The following SLC11A2 variants were observed in gnomAD, a reference collection of about 807,000 sequenced individuals.
SLC11A2 encodes the protein solute carrier family 11 member 2.
SLC11A2 carries 38 observed loss-of-function variants against 68.0 expected under a neutral mutation model. The ratio of observed to expected loss-of-function variants is 0.56; its 90% CI spans 0.43 to 0.73. The LOEUF is 0.73. Among genes scored for constraint, SLC11A2 ranks in the 30% least tolerant of loss-of-function variants. The pLI is 0.00. For missense variants in SLC11A2, 517 were observed against 690.5 expected (o/e 0.75, Z 2.82); for synonymous variants, 242 against 250.6 (o/e 0.97, Z 0.32).
At chr12:50,982,917 G>C (rs1005540637), downstream of SLC11A2, among the ~76,000 whole-genome samples, 2 of 149,650 alleles carry the variant, frequency 1.3e-5, no homozygotes, top group Non-Finnish European at 1.5e-5. Context: ...CTCCGGCCTG[G>C]GCAACACAGC....
intron 11 of SLC11A2, chr12:50,993,263 A>C (rs983241154): frequency 3.4e-6 from 1 of 290,414 alleles, no homozygotes; most frequent in Non-Finnish European, 6.6e-6. Flanking sequence ...ACTATTCTGG[A>C]AAATGGCAAT....
chr12:50,958,107 T>C, the SLC11A2 span, among the ~76,000 whole-genome samples: 1 of 151,260 alleles, frequency 6.6e-6, no homozygotes, highest in Non-Finnish European at 1.5e-5. Context: ...TGCCTGATCC[T>C]GTGTTCCTGA....
chr12:50,990,558 T>C (rs141839166), intron 15 of SLC11A2: 7 of 495,074 alleles, frequency 1.4e-5, no homozygotes, highest in African/African-American at 1.3e-4. Context: ...GATTGTTATG[T>C]GCTCTTTTGG....
chr12:51,015,093 G>C (rs1464492938), intron 1 of SLC11A2, among the ~76,000 whole-genome samples: 2 of 152,024 alleles, frequency 1.3e-5, no homozygotes, highest in East Asian at 3.9e-4. Flanking sequence ...CCGGGAGGTG[G>C]AGGTTGCGGT....
At chr12:50,969,458 A>G in the SLC11A2 span, among the ~76,000 whole-genome samples, 23,141 of 151,758 alleles carry the variant, frequency 0.15, 1,946 homozygotes, top group South Asian at 0.27. Flanking sequence ...CCAGCACTTT[A>G]GGAGGCCAAG....
intron 4 of SLC11A2, 45 bp downstream of exon 4, chr12:51,005,266 G>A (rs766743108): frequency 1.9e-6 from 3 of 1,603,620 alleles, no homozygotes; most frequent in Non-Finnish European, 2.6e-6. Flanking sequence ...GGATGTGAGA[G>A]TGTATTATGT....
intron 1 of SLC11A2, 104 bp from the exon 2 acceptor site, chr12:51,010,870 A>G: frequency 2.0e-6 from 1 of 508,770 alleles, no homozygotes; most frequent in Non-Finnish European, 3.6e-6. Context: ...CTATGAAAAG[A>G]GTAATTTTTC....
chr12:51,007,630 T>C (rs224592), intron 3 of SLC11A2, among the ~76,000 whole-genome samples: 134,930 of 151,600 alleles, frequency 0.89, 60,644 homozygotes, highest in East Asian at 0.98. Context: ...CCACCGCGCC[T>C]GGCCTGTTTT....
intron 1 of SLC11A2, among the ~76,000 whole-genome samples, chr12:51,014,501 G>C (rs982123973): frequency 2.6e-5 from 4 of 152,192 alleles, no homozygotes; most frequent in African/African-American, 9.7e-5. Context: ...CCAGTCTCCA[G>C]CCTTTTCAAC....
chr12:51,005,919 G>C (rs1473704010), intron 3 of SLC11A2: 1 of 337,488 alleles, frequency 3.0e-6, no homozygotes, highest in African/African-American at 2.2e-5. Context: ...ACTAGTTCAG[G>C]CCATGATGGG....
At chr12:50,999,451 G>T in intron 6 of SLC11A2, 36 bp from the exon 7 acceptor site, 1 of 1,497,480 alleles carries the variant, frequency 6.7e-7, no homozygotes, top group Non-Finnish European at 9.3e-7. Context: ...TCAGAGAGAC[G>T]GAAAGAAAGG....
downstream of SLC11A2, chr12:50,979,923 G>A (rs778952448): frequency 8.8e-6 from 4 of 454,084 alleles, no homozygotes; most frequent in South Asian, 6.2e-5. Flanking sequence ...CACCTTTGGG[G>A]CTAGAAAGAA....
Position 50,986,794 on chromosome 12 carries a change from C to A in SLC11A2, c.*1531G>T. On this transcript the variant is annotated 3_prime_UTR_variant, in exon 16 of 16. Transcript: ENST00000262052. ...AGAAAAATGTATGGTCAGTGAAACA[C>A]AGTAGTGTACCCTTAAATGCCTTAT... 2 of 1,287,128 alleles carry A rather than the reference C, an allele frequency of 1.6e-6. No individual in the cohort carries two copies. The highest frequency in any genetic ancestry group is 2.0e-6 in the Non-Finnish European group (2 of 988,662). 79.7% of individuals were successfully genotyped at this position (1,287,128 alleles called of 1,614,324 possible). A position where few individuals can be genotyped will look rare whatever the true frequency, so the allele number is the denominator to read the frequency against.
chr12:51,008,864 C>G (rs1404225068), intron 2 of SLC11A2, among the ~76,000 whole-genome samples: 1 of 151,904 alleles, frequency 6.6e-6, no homozygotes, highest in Non-Finnish European at 1.5e-5. Flanking sequence ...AGTTATCTCC[C>G]TCCCCCTCCC....
intron 8 of SLC11A2, 33 bp downstream of exon 8, chr12:50,999,141 T>C: frequency 6.5e-7 from 1 of 1,527,362 alleles, no homozygotes; most frequent in Non-Finnish European, 9.0e-7. Context: ...AAAACTTATT[T>C]TAAGAAGCTA....
the SLC11A2 span, among the ~76,000 whole-genome samples, chr12:50,969,710 A>C: frequency 1.2e-4 from 18 of 151,964 alleles, no homozygotes; most frequent in Non-Finnish European, 1.9e-4. Context: ...CTCAAAAAAA[A>C]AAAAACAAAA....
the SLC11A2 span, among the ~76,000 whole-genome samples, chr12:50,959,791 G>T: frequency 1.3e-5 from 2 of 152,054 alleles, no homozygotes; most frequent in Admixed American, 1.3e-4. Flanking sequence ...GGGATTACAG[G>T]CATGTACCAC....
the SLC11A2 span, among the ~76,000 whole-genome samples, chr12:50,974,083 G>C: frequency 6.6e-6 from 1 of 152,152 alleles, no homozygotes; most frequent in Non-Finnish European, 1.5e-5. Context: ...TTATCCAGGA[G>C]AACTTCCCCA....
In SLC11A2 at chr12:51,015,217, T is replaced by C. The variant is rs565323836; in HGVS notation, c.-38-4451A>G. On this transcript the variant is annotated intron_variant, in intron 1 of 15. Transcript: ENST00000262052. ...GGGGCCGGGCGCAGTGGCTCACACC[T>C]GTAATCCCAGCACTTTGGGAGGCTG... is the stretch of plus-strand genomic sequence containing the variant. Among the ~76,000 whole-genome samples the C allele has an allele frequency of 3.4e-5, 5 of 145,796 alleles. No homozygotes were observed. The South Asian group carries it at 1.1e-3, about 32-fold the overall frequency.
Sources: gnomAD v4.1 joint callset for allele counts (sites outside exome capture counted in the v4.1 genomes callset) on GRCh38, gnomAD v4.1.1 for gene constraint, MANE v1.5 for transcripts, NCBI Gene and HGNC (gene_info 2026-07-23, HGNC 2026-07-21) for gene names.